The following ABCB4 variants were observed in gnomAD, a reference collection of about 807,000 sequenced individuals.
The protein encoded by ABCB4 is ATP binding cassette subfamily B member 4, also known as phosphatidylcholine translocator ABCB4.
ABCB4 carries 76 observed loss-of-function variants against 145.7 expected under a neutral mutation model. The observed-to-expected ratio is 0.52, with a 90% CI of 0.43 to 0.63. ABCB4 has a LOEUF of 0.63. ABCB4 is among the 30% of genes least tolerant of loss of function. The pLI is 0.00. For missense variants in ABCB4, 1,234 were observed against 1,553.1 expected (o/e 0.79, Z 3.45); for synonymous variants, 517 against 566.8 (o/e 0.91, Z 1.25).
chr7:87,384,413 C>T, the ABCB4 span, among the ~76,000 whole-genome samples: 1 of 152,182 alleles, frequency 6.6e-6, no homozygotes, highest in Admixed American at 6.5e-5. Context: ...ATATCTGTAC[C>T]TCTACCTACT....
chr7:87,455,893 G>A (rs17149637), intron 4 of ABCB4, among the ~76,000 whole-genome samples: 34,905 of 152,018 alleles, frequency 0.23, 5,342 homozygotes, highest in African/African-American at 0.44. Context: ...TCAAACTACT[G>A]TCAGGATCAA....
intron 12 of ABCB4, among the ~76,000 whole-genome samples, 159 bp downstream of exon 12, chr7:87,443,160 C>G (rs990625076): frequency 6.6e-6 from 1 of 152,168 alleles, no homozygotes; most frequent in Non-Finnish European, 1.5e-5. Context: ...TTTGTGAAAC[C>G]AGCCCAAGGG....
the ABCB4 span, among the ~76,000 whole-genome samples, chr7:87,378,984 CCTTT>C: frequency 1.3e-5 from 2 of 152,194 alleles, no homozygotes; most frequent in Non-Finnish European, 2.9e-5. Flanking sequence ...CTTTACTCTT[CCTTT>C]GAGTCTACTG....
intron 11 of ABCB4, 29 bp from the exon 12 acceptor site, chr7:87,443,473 A>G: frequency 6.2e-7 from 1 of 1,613,828 alleles, no homozygotes; most frequent in Non-Finnish European, 8.5e-7. Flanking sequence ...AAAAGAACAC[A>G]CTTCACAACA....
chr7:87,374,727 G>A, the ABCB4 span, among the ~76,000 whole-genome samples: 2 of 152,008 alleles, frequency 1.3e-5, no homozygotes, highest in African/African-American at 4.8e-5. Context: ...TTCTTTATCA[G>A]TGTTACAGAT....
intron 23 of ABCB4, among the ~76,000 whole-genome samples, chr7:87,410,771 T>C (rs1808564764): frequency 6.6e-6 from 1 of 152,184 alleles, no homozygotes; most frequent in Non-Finnish European, 1.5e-5. Flanking sequence ...TCTGGTTTCA[T>C]AGGATTTGGC....
intron 3 of ABCB4, among the ~76,000 whole-genome samples, chr7:87,471,229 G>A (rs1353568096): frequency 1.3e-5 from 2 of 151,958 alleles, no homozygotes; most frequent in African/African-American, 2.4e-5. Flanking sequence ...GTGGGGGGAT[G>A]GGGGAGGGAT....
At chr7:87,448,291 C>CA (rs138555488) in intron 8 of ABCB4, among the ~76,000 whole-genome samples, 2,299 of 151,652 alleles carry the variant, frequency 0.015, 59 homozygotes, top group African/African-American at 0.053. Flanking sequence ...CAAAAAAAAA[C>CA]AAAAAACAAA....
At chr7:87,411,824 T>C in intron 23 of ABCB4, 69 bp downstream of exon 23, 2 of 1,506,022 alleles carry the variant, frequency 1.3e-6, no homozygotes, top group Non-Finnish European at 1.8e-6. Flanking sequence ...TTTTTCCTAC[T>C]CTAAACTTTT....
chr7:87,413,333 GT>G (rs1164281208), intron 22 of ABCB4, among the ~76,000 whole-genome samples: 1 of 152,182 alleles, frequency 6.6e-6, no homozygotes, highest in Non-Finnish European at 1.5e-5. Flanking sequence ...ACCCAGATAG[GT>G]TATTTATGTT....
intron 3 of ABCB4, among the ~76,000 whole-genome samples, chr7:87,470,096 C>A (rs1331059664): frequency 6.6e-6 from 1 of 152,160 alleles, no homozygotes; most frequent in African/African-American, 2.4e-5. Flanking sequence ...TTTGACAAAC[C>A]TGACAAAAAC....
chr7:87,475,723 C>T, upstream of ABCB4: 2 of 397,742 alleles, frequency 5.0e-6, no homozygotes, highest in Non-Finnish European at 8.9e-6. Context: ...GCCTCGCCCC[C>T]GCCCCCGCCC....
the ABCB4 span, among the ~76,000 whole-genome samples, chr7:87,389,747 T>A: frequency 2.0e-5 from 3 of 152,204 alleles, no homozygotes; most frequent in Non-Finnish European, 4.4e-5. Context: ...ATTCTGCACA[T>A]GTATCCCAGA....
At chr7:87,472,811 T>G (rs983435098) in intron 2 of ABCB4, 136 bp from the exon 3 acceptor site, 2 of 724,976 alleles carry the variant, frequency 2.8e-6, no homozygotes, top group African/African-American at 3.6e-5. Flanking sequence ...AATGTCAAAA[T>G]TATTCAGTTC....
chr7:87,393,753 G>T, the ABCB4 span, among the ~76,000 whole-genome samples: 1 of 152,168 alleles, frequency 6.6e-6, no homozygotes, highest in Non-Finnish European at 1.5e-5. Flanking sequence ...AGGCACTTCA[G>T]ATAGAATGTG....
At chr7:87,415,638 T>C (rs1005069275) in intron 21 of ABCB4, among the ~76,000 whole-genome samples, 3 of 152,158 alleles carry the variant, frequency 2.0e-5, no homozygotes, top group Non-Finnish European at 2.9e-5. Context: ...TCTGGTACAA[T>C]TTCTCATTTT....
chr7:87,432,022 T>C (rs1810275225), intron 14 of ABCB4, among the ~76,000 whole-genome samples: 1 of 152,180 alleles, frequency 6.6e-6, no homozygotes, highest in South Asian at 2.1e-4. Context: ...TCTGATGAAC[T>C]GAAAGCAGGC....
intron 2 of ABCB4, among the ~76,000 whole-genome samples, chr7:87,473,412 C>T (rs1813578847): frequency 1.3e-5 from 2 of 152,212 alleles, no homozygotes; most frequent in Admixed American, 1.3e-4. Context: ...ACTCACCAAA[C>T]ATGTACCTGA....
At chr7:87,412,119 G>GC in intron 22 of ABCB4, 86 bp from the exon 23 acceptor site, 1 of 1,515,694 alleles carries the variant, frequency 6.6e-7, no homozygotes, top group South Asian at 1.1e-5. Context: ...TCTAAGTCTG[G>GC]CCGAGTGGGT....
Sources: allele counts gnomAD v4.1 joint callset (sites outside exome capture counted in the v4.1 genomes callset), GRCh38; gene constraint gnomAD v4.1.1; transcripts MANE v1.5; gene names NCBI Gene and HGNC (gene_info 2026-07-23, HGNC 2026-07-21).